The following ARHGEF12 variants were observed in gnomAD, a reference collection of about 807,000 sequenced individuals.
The protein encoded by ARHGEF12 is Rho guanine nucleotide exchange factor 12.
A neutral mutation model predicts 211.2 loss-of-function variants in ARHGEF12; 66 were observed. The ratio of observed to expected loss-of-function variants is 0.31; its 90% CI spans 0.26 to 0.38. ARHGEF12 has a LOEUF of 0.38. Ranked by LOEUF, ARHGEF12 falls within the 10% of genes least tolerant of loss-of-function variation. The pLI, the probability that ARHGEF12 is intolerant of heterozygous loss-of-function variation, is 1.00. For missense variants in ARHGEF12, 1,429 were observed against 1,869.5 expected (o/e 0.76, Z 4.34); for synonymous variants, 592 against 638.4 (o/e 0.93, Z 1.09).
At position 120,458,181 on chromosome 11, in the gene ARHGEF12, A is replaced by C; in HGVS notation, c.2327A>C (p.Glu776Ala). ...PPNWQQLVSR[E>A]VLLGLKPCEI... is the part of the protein sequence containing the mutation. Reference sequence around the variant, plus strand: ...AACTGGCAGCAGCTTGTTAGTCGAGAAGTGTTACTGGGACTAAAACCTTGT... The same window carrying C: ...AACTGGCAGCAGCTTGTTAGTCGAGCAGTGTTACTGGGACTAAAACCTTGT... The change falls in exon 25 of 41, where the codon GAA becomes GCA. Residue 776 changes from glutamate (E) to alanine (A), a missense_variant. This residue lies in a region of ARHGEF12 where 373 missense variants were observed against 467.5 expected (regional missense o/e 0.80). Coordinates refer to ENST00000397843, the MANE Select transcript of ARHGEF12 (RefSeq NM_015313.3). The C allele has an allele frequency of 6.2e-7, 1 of 1,613,382 alleles. No individual in the cohort carries two copies. Among genetic ancestry groups the C allele is most frequent in the South Asian group, 1.1e-5 (1 of 90,832 alleles).
At chr11:120,421,433 TTTTTTTTTG>T (rs996025519) in intron 5 of ARHGEF12, among the ~76,000 whole-genome samples, 5 of 97,902 alleles carry the variant, frequency 5.1e-5, no homozygotes, top group Admixed American at 9.6e-5. Context: ...AGCCTTGTTT[TTTTTTTTTG>T]TTTTTTTTTT....
intron 36 of ARHGEF12, among the ~76,000 whole-genome samples, chr11:120,477,862 C>CAAAAAAAAAAAAAAA (rs528182938): frequency 8.7e-5 from 6 of 69,336 alleles, no homozygotes; most frequent in African/African-American, 2.4e-4. Flanking sequence ...ACCGAAACAC[C>CAAAAAAAAAAAAAAA]AAAAAAAAAA....
intron 10 of ARHGEF12, among the ~76,000 whole-genome samples, chr11:120,430,467 T>C (rs1284161279): frequency 2.0e-5 from 3 of 152,180 alleles, no homozygotes; most frequent in Admixed American, 2.0e-4. Context: ...TTCAGTAGAA[T>C]TTGCTGTATA....
intron 4 of ARHGEF12, among the ~76,000 whole-genome samples, chr11:120,412,820 T>C (rs79793666): frequency 6.6e-6 from 1 of 152,158 alleles, no homozygotes; most frequent in Non-Finnish European, 1.5e-5. Flanking sequence ...GTCTTATATT[T>C]CCTTAAAGTT....
At chr11:120,372,780 T>C (rs1031932620) in intron 1 of ARHGEF12, among the ~76,000 whole-genome samples, 2 of 152,132 alleles carry the variant, frequency 1.3e-5, no homozygotes, top group Non-Finnish European at 2.9e-5. Context: ...GTTATATAGC[T>C]TCTCTACCTT....
chr11:120,484,591 C>A, intron 40 of ARHGEF12, 84 bp downstream of exon 40: 1 of 1,196,482 alleles, frequency 8.4e-7, no homozygotes, highest in Non-Finnish European at 1.2e-6. Flanking sequence ...AAGTGAAAAC[C>A]TTCTGAGATT....
intron 1 of ARHGEF12, among the ~76,000 whole-genome samples, chr11:120,344,201 G>T (rs1455078880): frequency 6.7e-6 from 1 of 148,210 alleles, no homozygotes; most frequent in Non-Finnish European, 1.5e-5. Flanking sequence ...GGGAGGCGGA[G>T]GTTGCAGTTA....
In ARHGEF12 at chr11:120,336,447, C is replaced by T. The variant is rs1216348491; in HGVS notation, c.-797C>T. Among the ~76,000 whole-genome samples, 1 of 151,578 alleles carries T rather than the reference C, an allele frequency of 6.6e-6. No homozygotes were observed. Among genetic ancestry groups the T allele is most frequent in the African/African-American group, 2.4e-5 (1 of 41,360 alleles). ...CGAGCCGGCCCTGCGCCGGGAGACG[C>T]CGCCGCCTCCGCCTCCCGGACCAGG... On this transcript the variant is annotated 5_prime_UTR_variant, in exon 1 of 41. Coordinates refer to ENST00000397843, the MANE Select transcript of ARHGEF12 (RefSeq NM_015313.3).
chr11:120,340,654 A>AT (rs1942506451), intron 1 of ARHGEF12, among the ~76,000 whole-genome samples: 1 of 152,202 alleles, frequency 6.6e-6, no homozygotes, highest in Admixed American at 6.5e-5. Flanking sequence ...TCAACGTTGC[A>AT]TGAGTCATCT....
chr11:120,407,057 T>C (rs1176442140), intron 2 of ARHGEF12, among the ~76,000 whole-genome samples: 1 of 152,270 alleles, frequency 6.6e-6, no homozygotes, highest in Admixed American at 6.5e-5. Context: ...CTAATTATTA[T>C]ATTTTATCAT....
At chr11:120,351,299 A>C (rs1942932947) in intron 1 of ARHGEF12, among the ~76,000 whole-genome samples, 2 of 123,328 alleles carry the variant, frequency 1.6e-5, no homozygotes, top group African/African-American at 6.4e-5. Flanking sequence ...GTGAGCCGAG[A>C]TCACCCTACT....
At chr11:120,442,481 C>T (rs1390358957) in intron 15 of ARHGEF12, among the ~76,000 whole-genome samples, 5 of 148,128 alleles carry the variant, frequency 3.4e-5, no homozygotes, top group East Asian at 1.9e-4. Flanking sequence ...CACACACACA[C>T]ATATTTGTGT....
chr11:120,351,498 C>A lies in ARHGEF12; in HGVS notation c.32+14223C>A. Among the ~76,000 whole-genome samples the A allele has an allele frequency of 1.9e-5, 2 of 106,096 alleles. 1 individual carries two copies. The highest frequency in any genetic ancestry group is 3.5e-5 in the Non-Finnish European group (2 of 57,130). 69.6% of individuals were successfully genotyped at this position (106,096 alleles called of 152,430 possible). ...TTTTTTTTTGAGACAAAGTCTCGCT[C>A]TGTTGCCCAGGCTGGAGGCTGGAGT... On this transcript the variant is annotated intron_variant, in intron 1 of 40. Coordinates refer to ENST00000397843, the MANE Select transcript of ARHGEF12 (RefSeq NM_015313.3).
chr11:120,440,586 T>C (rs550013534), intron 13 of ARHGEF12, among the ~76,000 whole-genome samples: 1 of 152,336 alleles, frequency 6.6e-6, no homozygotes, highest in East Asian at 1.9e-4. Flanking sequence ...ATTCACTTAT[T>C]ATTTCTTGGT....
At chr11:120,464,227 G>C (rs1205454016) in intron 27 of ARHGEF12, 1 of 152,248 alleles carries the variant, frequency 6.6e-6, no homozygotes, top group South Asian at 2.1e-4. Flanking sequence ...GTATGCCAAG[G>C]ATTTGCTTCC....
At chr11:120,406,013 A>T in intron 1 of ARHGEF12, 105 bp from the exon 2 acceptor site, 1 of 849,472 alleles carries the variant, frequency 1.2e-6, no homozygotes, top group Non-Finnish European at 1.8e-6. Flanking sequence ...GAAAGTTACC[A>T]TAAGATTTAA....
chr11:120,420,148 T>C (rs1480492819), intron 4 of ARHGEF12, among the ~76,000 whole-genome samples: 1 of 152,218 alleles, frequency 6.6e-6, no homozygotes, highest in African/African-American at 2.4e-5. Flanking sequence ...TTTTTCTCTT[T>C]TCTGTTTCTG....
intron 21 of ARHGEF12, 40 bp from the exon 22 acceptor site, chr11:120,451,472 C>A: frequency 6.2e-7 from 1 of 1,600,530 alleles, no homozygotes; most frequent in South Asian, 1.1e-5. Context: ...CCACCGCACC[C>A]AGCCGCAATA....
chr11:120,475,315 T>G (rs773202861), intron 32 of ARHGEF12, 25 bp from the exon 33 acceptor site: 2 of 1,605,610 alleles, frequency 1.2e-6, no homozygotes, highest in Non-Finnish European at 1.7e-6. Flanking sequence ...GTACTTACCA[T>G]TTTTTTCTGC....
Sources: gnomAD v4.1 joint callset for allele counts (sites outside exome capture counted in the v4.1 genomes callset) on GRCh38, gnomAD v4.1.1 for gene constraint, gnomAD v4.1.1 regional missense constraint, MANE v1.5 for transcripts, NCBI Gene and HGNC (gene_info 2026-07-23, HGNC 2026-07-21) for gene names.